Variants in MICAL3 observed in about 807,000 individuals in gnomAD.
MICAL3 encodes the protein microtubule associated monooxygenase, calponin and LIM domain containing 3.
Under a neutral mutation model 207.4 loss-of-function variants are expected in MICAL3, and 62 were observed. The ratio of observed to expected loss-of-function variants is 0.30; its 90% confidence interval spans 0.24 to 0.37. MICAL3 has a LOEUF of 0.37. Among genes scored for constraint, MICAL3 ranks in the 10% least tolerant of loss-of-function variants. The pLI, the probability that MICAL3 is intolerant of heterozygous loss-of-function variation, is 1.00. For synonymous variants in MICAL3, 1,077 were observed against 1,069.3 expected (o/e 1.01, Z -0.14); for missense variants, 2,368 against 2,635.6 (o/e 0.90, Z 2.22).
At chr22:17,946,876 C>A (rs1934094633) in intron 1 of MICAL3, among the ~76,000 whole-genome samples, 1 of 152,202 alleles carries the variant, frequency 6.6e-6, no homozygotes, top group South Asian at 2.1e-4. Flanking sequence ...CTGGGGAACA[C>A]CCCTCCCTCT....
Position 17,906,851 on chromosome 22 carries a change from G to A in MICAL3, c.-39C>T. On this transcript the variant is annotated 5_prime_UTR_variant, in exon 2 of 32. Coordinates refer to ENST00000441493, the MANE Select transcript of MICAL3 (RefSeq NM_015241.3). ...CAGCACTCCCCAGAGGGGGAGGTGG[G>A]ATGGCTGTGGGTCCACCTGACACTG... 1 of 1,533,028 alleles carries A rather than the reference G, an allele frequency of 6.5e-7. No individual in the cohort carries two copies. The highest frequency in any genetic ancestry group is 2.3e-5 in the East Asian group (1 of 44,044). 95.0% of individuals were successfully genotyped at this position (1,533,028 alleles called of 1,614,324 possible).
chr22:17,822,867 G>T, intron 23 of MICAL3, 80 bp downstream of exon 23: 1 of 921,802 alleles, frequency 1.1e-6, no homozygotes, highest in Non-Finnish European at 1.7e-6. Flanking sequence ...CGGCCTCACT[G>T]AGCTTGATTT....
chr22:17,980,992 T>C (rs763615677), intron 1 of MICAL3: 20 of 471,346 alleles, frequency 4.2e-5, no homozygotes, highest in Admixed American at 9.0e-5. Context: ...CCAGACACTG[T>C]GGACTGCAGG....
At chr22:17,925,184 T>C (rs1360685200) in intron 1 of MICAL3, among the ~76,000 whole-genome samples, 1 of 152,112 alleles carries the variant, frequency 6.6e-6, no homozygotes, top group Non-Finnish European at 1.5e-5. Flanking sequence ...GGGAGCCAGG[T>C]GAGAGCCACA....
intron 29 of MICAL3, among the ~76,000 whole-genome samples, chr22:17,807,983 G>C (rs746511022): frequency 6.6e-6 from 1 of 152,262 alleles, no homozygotes; most frequent in Non-Finnish European, 1.5e-5. Context: ...GAGACTAGAC[G>C]AAGATTTGTG....
chr22:17,888,103 T>C (rs1343866312), intron 13 of MICAL3, among the ~76,000 whole-genome samples: 2 of 152,220 alleles, frequency 1.3e-5, no homozygotes, highest in Non-Finnish European at 2.9e-5. Context: ...CTAACATTTA[T>C]TAAGTACTTC....
At chr22:17,819,809 G>T (rs1921348627) in intron 25 of MICAL3, among the ~76,000 whole-genome samples, 1 of 151,820 alleles carries the variant, frequency 6.6e-6, no homozygotes, top group African/African-American at 2.4e-5. Flanking sequence ...CAGGTGTGGT[G>T]GTGGGTGCCT....
intron 28 of MICAL3, among the ~76,000 whole-genome samples, chr22:17,810,226 C>CAAA (rs2062030853): frequency 6.6e-6 from 1 of 151,892 alleles, no homozygotes; most frequent in Non-Finnish European, 1.5e-5. Flanking sequence ...CCACGCCTGG[C>CAAA]TAATTTTTTG....
chr22:17,808,838 C>A lies in MICAL3; in HGVS notation c.5650+6G>T. 6.4e-7 allele frequency: 1 copy of A among 1,551,670 alleles called. No homozygotes were observed. The highest frequency in any genetic ancestry group is 8.7e-7 in the Non-Finnish European group (1 of 1,147,200). On this transcript the variant is annotated splice_donor_region_variant and intron_variant, in intron 29 of 31. Transcript: ENST00000441493. ...GAGCAGAGCTTAGGAGGGAGCCCGG[C>A]AGTACCTGCTTCGCCCCGGAGCGCC... is the stretch of plus-strand genomic sequence containing the variant.
intron 1 of MICAL3, among the ~76,000 whole-genome samples, chr22:17,969,079 G>A (rs535186133): frequency 6.1e-4 from 93 of 151,858 alleles, no homozygotes; most frequent in African/African-American, 2.1e-3. Context: ...GTCTCACTCT[G>A]TCACCCAGGC....
chr22:17,972,847 C>T (rs940326201), intron 1 of MICAL3, among the ~76,000 whole-genome samples: 7 of 152,246 alleles, frequency 4.6e-5, no homozygotes, highest in African/African-American at 1.7e-4. Flanking sequence ...GGTCACAGTT[C>T]CCACAGCAAC....
intron 16 of MICAL3, chr22:17,881,421 G>T: frequency 1.3e-6 from 1 of 785,490 alleles, no homozygotes; most frequent in Non-Finnish European, 2.1e-6. Context: ...GCCTTTCCTT[G>T]CCCCTCCATC....
intron 12 of MICAL3, among the ~76,000 whole-genome samples, chr22:17,890,883 G>C (rs1340015728): frequency 2.0e-5 from 3 of 152,220 alleles, no homozygotes; most frequent in Non-Finnish European, 4.4e-5. Context: ...CTAGAACTCT[G>C]ATTCTGTAGA....
chr22:17,966,414 T>C (rs986425656), intron 1 of MICAL3, among the ~76,000 whole-genome samples: 3 of 152,220 alleles, frequency 2.0e-5, no homozygotes, highest in Non-Finnish European at 4.4e-5. Context: ...TCGTCCTTTC[T>C]GAGCCCCTCC....
chr22:17,794,975 T>C (rs141737120), intron 29 of MICAL3, among the ~76,000 whole-genome samples: 154 of 152,338 alleles, frequency 1.0e-3, no homozygotes, highest in African/African-American at 3.2e-3. Flanking sequence ...GGCCTTGTTT[T>C]ACTCAACAGA....
At chr22:17,994,052 C>T (rs1229589282) in intron 1 of MICAL3, among the ~76,000 whole-genome samples, 1 of 152,202 alleles carries the variant, frequency 6.6e-6, no homozygotes, top group Non-Finnish European at 1.5e-5. Context: ...CGTTAAGACA[C>T]GTGGGCACTC....
chr22:17,982,885 T>G (rs1049707812), intron 1 of MICAL3, among the ~76,000 whole-genome samples: 1 of 152,224 alleles, frequency 6.6e-6, no homozygotes, highest in Non-Finnish European at 1.5e-5. Context: ...TTCAACAGTC[T>G]GACTGGGTTT....
chr22:17,904,501 A>G, intron 3 of MICAL3, 131 bp downstream of exon 3: 1 of 740,212 alleles, frequency 1.4e-6, no homozygotes, highest in Non-Finnish European at 2.4e-6. Flanking sequence ...ACTTACTATA[A>G]GAAAGACAGT....
At chr22:17,950,193 G>T (rs998823325) in intron 1 of MICAL3, among the ~76,000 whole-genome samples, 1 of 142,520 alleles carries the variant, frequency 7.0e-6, no homozygotes, top group East Asian at 1.9e-4. Context: ...CAAGAGTCTC[G>T]CTCTGTTACC....
Sources: gnomAD v4.1 joint callset for allele counts (sites outside exome capture counted in the v4.1 genomes callset) on GRCh38, gnomAD v4.1.1 for gene constraint, MANE v1.5 for transcripts, NCBI Gene and HGNC (gene_info 2026-07-23, HGNC 2026-07-21) for gene names.